The following TASP1 variants were observed in gnomAD, a reference collection of about 807,000 sequenced individuals.
The protein encoded by TASP1 is threonine aspartase 1.
Under a neutral mutation model 56.6 loss-of-function variants are expected in TASP1, and 16 were observed. The ratio of observed to expected loss-of-function variants is 0.28; its 90% CI spans 0.19 to 0.43. The LOEUF (loss-of-function observed/expected upper bound fraction) is 0.43. TASP1 is among the 20% of genes least tolerant of loss of function. The pLI, the probability that TASP1 is intolerant of heterozygous loss-of-function variation, is 1.00. For missense variants in TASP1, 393 were observed against 511.6 expected (o/e 0.77, Z 2.24); for synonymous variants, 179 against 184.2 (o/e 0.97, Z 0.23).
chr20:13,362,127 C>G, the TASP1 span, among the ~76,000 whole-genome samples: 3 of 142,742 alleles, frequency 2.1e-5, no homozygotes, highest in Non-Finnish European at 4.6e-5. Flanking sequence ...TTGAAGCAGC[C>G]CTGAGAAACA....
the TASP1 span, among the ~76,000 whole-genome samples, chr20:13,235,485 A>G: frequency 2.0e-5 from 3 of 152,168 alleles, no homozygotes; most frequent in African/African-American, 4.8e-5. Flanking sequence ...TAACATCACC[A>G]GGGCTGTGTT....
intron 10 of TASP1, among the ~76,000 whole-genome samples, chr20:13,490,254 A>T (rs1477192849): frequency 6.6e-6 from 1 of 152,196 alleles, no homozygotes; most frequent in Admixed American, 6.5e-5. Flanking sequence ...TGAATAAAAA[A>T]AAAATACTTT....
the TASP1 span, among the ~76,000 whole-genome samples, chr20:13,180,509 C>A: frequency 2.0e-5 from 3 of 152,216 alleles, no homozygotes; most frequent in African/African-American, 4.8e-5. Flanking sequence ...TCCCTTCAGA[C>A]TGCTGTCTCC....
At chr20:13,407,603 T>C (rs897920776) in intron 13 of TASP1, among the ~76,000 whole-genome samples, 3 of 152,200 alleles carry the variant, frequency 2.0e-5, no homozygotes, top group Non-Finnish European at 4.4e-5. Context: ...AGAAATGGAA[T>C]TGCTGGGTCA....
the TASP1 span, among the ~76,000 whole-genome samples, chr20:13,160,456 A>C: frequency 6.6e-6 from 1 of 152,234 alleles, no homozygotes; most frequent in Non-Finnish European, 1.5e-5. Context: ...TTTTAGACTT[A>C]ATTACATGCA....
intron 4 of TASP1, among the ~76,000 whole-genome samples, chr20:13,588,177 C>T (rs982074280): frequency 2.6e-5 from 4 of 151,448 alleles, no homozygotes; most frequent in African/African-American, 9.7e-5. Context: ...TATCCACTCT[C>T]AGTACCTATT....
At chr20:13,179,386 T>C in the TASP1 span, among the ~76,000 whole-genome samples, 4 of 147,310 alleles carry the variant, frequency 2.7e-5, no homozygotes, top group Admixed American at 2.8e-4. Flanking sequence ...AGATTTTCTT[T>C]GGATAAGTAG....
chr20:13,289,215 TAG>T, the TASP1 span, among the ~76,000 whole-genome samples: 1 of 152,226 alleles, frequency 6.6e-6, no homozygotes, highest in Non-Finnish European at 1.5e-5. Flanking sequence ...TTATTTAATT[TAG>T]AGGAGGGACT....
At chr20:13,204,356 G>A in the TASP1 span, among the ~76,000 whole-genome samples, 10 of 152,094 alleles carry the variant, frequency 6.6e-5, no homozygotes, top group South Asian at 6.2e-4. Context: ...TGCCATTTCC[G>A]GGATCCCTTG....
At chr20:13,244,585 G>A in the TASP1 span, among the ~76,000 whole-genome samples, 3 of 152,126 alleles carry the variant, frequency 2.0e-5, no homozygotes, top group African/African-American at 7.2e-5. Context: ...TACTTATTTA[G>A]CATGAAGGCT....
chr20:13,362,163 C>T, the TASP1 span, among the ~76,000 whole-genome samples: 15 of 150,168 alleles, frequency 1.0e-4, no homozygotes, highest in Non-Finnish European at 1.9e-4. Context: ...CCGCACCACC[C>T]CCCAAAAATT....
the TASP1 span, among the ~76,000 whole-genome samples, chr20:13,289,113 G>A: frequency 1.3e-5 from 2 of 152,340 alleles, no homozygotes; most frequent in Admixed American, 1.3e-4. Context: ...TGACCAGAGT[G>A]AGTCAGGAGA....
the TASP1 span, among the ~76,000 whole-genome samples, chr20:13,281,059 TAATA>T: frequency 6.0e-4 from 91 of 152,352 alleles, no homozygotes; most frequent in Admixed American, 4.1e-3. Context: ...TTCTTCTCAT[TAATA>T]GAGAATTCTA....
chr20:13,308,978 A>G, the TASP1 span, among the ~76,000 whole-genome samples: 24 of 152,288 alleles, frequency 1.6e-4, no homozygotes, highest in Non-Finnish European at 3.4e-4. Context: ...TAGCACCTTG[A>G]TCTCAGACTT....
intron 4 of TASP1, among the ~76,000 whole-genome samples, chr20:13,617,953 C>G (rs2048578160): frequency 6.6e-6 from 1 of 152,112 alleles, no homozygotes; most frequent in Middle Eastern, 3.4e-3. Context: ...TCTTCTATCC[C>G]CCTGAGGCAC....
chr20:13,514,530 G>A (rs1423162996), intron 10 of TASP1, among the ~76,000 whole-genome samples: 1 of 152,106 alleles, frequency 6.6e-6, no homozygotes, highest in Non-Finnish European at 1.5e-5. Context: ...TAGGATTCAA[G>A]CTGAAGTCTG....
chr20:13,226,789 T>A, the TASP1 span, among the ~76,000 whole-genome samples: 1 of 152,316 alleles, frequency 6.6e-6, no homozygotes, highest in East Asian at 1.9e-4. Context: ...CAAGACCTAT[T>A]GATGAGTTTG....
intron 10 of TASP1, among the ~76,000 whole-genome samples, chr20:13,495,351 T>C (rs1169756127): frequency 6.6e-6 from 1 of 152,130 alleles, no homozygotes; most frequent in Non-Finnish European, 1.5e-5. Context: ...AGAGGCCAAA[T>C]AAAGTACCAT....
the TASP1 span, among the ~76,000 whole-genome samples, chr20:13,294,916 C>T: frequency 6.6e-6 from 1 of 152,124 alleles, no homozygotes; most frequent in East Asian, 1.9e-4. Flanking sequence ...CTGAAAGTTG[C>T]GTTGCAATTC....
Sources: gnomAD v4.1 joint callset for allele counts (sites outside exome capture counted in the v4.1 genomes callset) on GRCh38, gnomAD v4.1.1 for gene constraint, MANE v1.5 for transcripts, NCBI Gene and HGNC (gene_info 2026-07-23, HGNC 2026-07-21) for gene names.